The following LPP variants were observed in gnomAD, a reference collection of about 807,000 sequenced individuals.
LPP encodes lipoma-preferred partner.
LPP carries 38 observed loss-of-function variants against 60.4 expected under a neutral mutation model. The observed-to-expected ratio is 0.63, with a 90% CI of 0.49 to 0.83. LPP has a LOEUF of 0.83. Ranked by LOEUF, LPP falls within the 40% of genes least tolerant of loss-of-function variation. The pLI is 0.00. For missense variants in LPP, 902 were observed against 783.6 expected (o/e 1.15, Z -1.80); for synonymous variants, 328 against 290.8 (o/e 1.13, Z -1.30).
At chr3:188,817,516 C>T (rs1350687763) in intron 9 of LPP, among the ~76,000 whole-genome samples, 1 of 152,152 alleles carries the variant, frequency 6.6e-6, no homozygotes, top group Admixed American at 6.5e-5. Flanking sequence ...GCAGCTGTTT[C>T]AATTCGTATG....
intron 7 of LPP, among the ~76,000 whole-genome samples, chr3:188,672,904 A>G (rs1472802760): frequency 1.3e-5 from 2 of 151,842 alleles, no homozygotes; most frequent in Non-Finnish European, 2.9e-5. Flanking sequence ...ATATTTTACT[A>G]TCTATAATTT....
intron 9 of LPP, among the ~76,000 whole-genome samples, chr3:188,763,989 G>A (rs1733234837): frequency 6.6e-6 from 1 of 151,956 alleles, no homozygotes; most frequent in African/African-American, 2.4e-5. Flanking sequence ...ATCCCCTATG[G>A]CAGAAGTTTA....
In LPP at chr3:188,848,706, G is replaced by A. The variant is rs568279101; in HGVS notation, c.1411-17494G>A. Among the ~76,000 whole-genome samples, 5 of 152,306 alleles carry A rather than the reference G, an allele frequency of 3.3e-5. No individual in the cohort carries two copies. The South Asian group carries it at 1.0e-3, about 32-fold the overall frequency. On this transcript the variant is annotated intron_variant, in intron 9 of 11. Coordinates refer to ENST00000617246, the MANE Select transcript of LPP (RefSeq NM_001375462.1). Reference sequence around the variant, plus strand: ...ATTAAGGATGGATGCAGTGGCTCACGCCTATAATCCCAGCACTTTGGGAGG... The same window carrying A: ...ATTAAGGATGGATGCAGTGGCTCACACCTATAATCCCAGCACTTTGGGAGG...
At chr3:188,632,294 A>G (rs145671940) in intron 7 of LPP, among the ~76,000 whole-genome samples, 2 of 152,186 alleles carry the variant, frequency 1.3e-5, no homozygotes, top group South Asian at 2.1e-4. Flanking sequence ...TCTACTAGCT[A>G]TCCTGGTGAT....
At chr3:188,726,028 A>G (rs1718262419) in intron 8 of LPP, among the ~76,000 whole-genome samples, 1 of 152,128 alleles carries the variant, frequency 6.6e-6, no homozygotes, top group Non-Finnish European at 1.5e-5. Context: ...CCAGATCAAG[A>G]GGGCCTCTTA....
intron 8 of LPP, among the ~76,000 whole-genome samples, chr3:188,754,006 A>G (rs1729240177): frequency 6.6e-6 from 1 of 152,232 alleles, no homozygotes; most frequent in African/African-American, 2.4e-5. Flanking sequence ...ACCATAGGAG[A>G]TTGCATATTG....
chr3:188,278,137 C>T (rs1740641485), intron 2 of LPP, among the ~76,000 whole-genome samples: 1 of 152,136 alleles, frequency 6.6e-6, no homozygotes, highest in Non-Finnish European at 1.5e-5. Context: ...TTCATTTAAT[C>T]CTCAAAGCCA....
chr3:188,836,284 T>C (rs1458216509), intron 9 of LPP, among the ~76,000 whole-genome samples: 1 of 152,338 alleles, frequency 6.6e-6, no homozygotes, highest in South Asian at 2.1e-4. Flanking sequence ...GATTATTCCC[T>C]TTAGTCTGTA....
intron 2 of LPP, among the ~76,000 whole-genome samples, chr3:188,295,257 C>A (rs1440254302): frequency 2.6e-5 from 4 of 152,190 alleles, no homozygotes; most frequent in African/African-American, 7.2e-5. Context: ...AGCACAGATT[C>A]CAGTAAGTGA....
intron 9 of LPP, among the ~76,000 whole-genome samples, chr3:188,768,894 A>C (rs747185921): frequency 6.6e-6 from 1 of 152,156 alleles, no homozygotes; most frequent in Non-Finnish European, 1.5e-5. Flanking sequence ...ATGGCATTCT[A>C]TTATTTGTAT....
intron 9 of LPP, among the ~76,000 whole-genome samples, chr3:188,849,343 A>G (rs1762223190): frequency 6.6e-6 from 1 of 152,214 alleles, no homozygotes; most frequent in Non-Finnish European, 1.5e-5. Flanking sequence ...AAAGAAAGAA[A>G]GGAAGAGAAT....
At chr3:188,629,966 C>G (rs1847559604) in intron 7 of LPP, among the ~76,000 whole-genome samples, 1 of 151,892 alleles carries the variant, frequency 6.6e-6, no homozygotes. Flanking sequence ...TTTGTCAACT[C>G]AAGATGGATT....
chr3:188,288,141 G>T (rs1744597204), intron 2 of LPP, among the ~76,000 whole-genome samples: 1 of 152,140 alleles, frequency 6.6e-6, no homozygotes, highest in Non-Finnish European at 1.5e-5. Flanking sequence ...GAAAGATTTG[G>T]CTTTTTTGTT....
intron 7 of LPP, among the ~76,000 whole-genome samples, chr3:188,640,974 C>T (rs1849994030): frequency 6.6e-6 from 1 of 152,224 alleles, no homozygotes; most frequent in South Asian, 2.1e-4. Context: ...GATGTGAGTG[C>T]ACACTCACTC....
chr3:188,657,258 G>GTATATATATATATATA (rs148151207), intron 7 of LPP, among the ~76,000 whole-genome samples: 1,188 of 89,714 alleles, frequency 0.013, 51 homozygotes, highest in South Asian at 0.028. Flanking sequence ...CTGTCAAGGT[G>GTATATATATATATATA]TATATATATA....
intron 7 of LPP, among the ~76,000 whole-genome samples, chr3:188,612,786 GAAAT>G (rs1422703531): frequency 6.6e-6 from 1 of 152,038 alleles, no homozygotes; most frequent in Non-Finnish European, 1.5e-5. Flanking sequence ...TTTAAAAGAT[GAAAT>G]AAATAAATCT....
At chr3:188,656,845 G>GAGAT (rs1853330111) in intron 7 of LPP, among the ~76,000 whole-genome samples, 1 of 152,156 alleles carries the variant, frequency 6.6e-6, no homozygotes, top group Non-Finnish European at 1.5e-5. Flanking sequence ...CTCTGTGAAA[G>GAGAT]AGATGAGGAA....
intron 6 of LPP, among the ~76,000 whole-genome samples, chr3:188,559,013 G>C (rs895471501): frequency 6.6e-6 from 1 of 152,026 alleles, no homozygotes; most frequent in South Asian, 2.1e-4. Flanking sequence ...GTAATGAAAT[G>C]CATGGGTTCT....
intron 2 of LPP, among the ~76,000 whole-genome samples, chr3:188,275,613 A>G (rs1435359548): frequency 1.3e-5 from 2 of 152,210 alleles, no homozygotes; most frequent in Non-Finnish European, 2.9e-5. Context: ...CTTCTCAGCA[A>G]TGATGGTCCA....
Sources: gnomAD v4.1 joint callset for allele counts (sites outside exome capture counted in the v4.1 genomes callset) on GRCh38, gnomAD v4.1.1 for gene constraint, MANE v1.5 for transcripts, NCBI Gene and HGNC (gene_info 2026-07-23, HGNC 2026-07-21) for gene names.